Variants in ADAM12 observed in about 807,000 individuals in gnomAD.
ADAM12 encodes the protein disintegrin and metalloproteinase domain-containing protein 12.
Under a neutral mutation model 106.4 loss-of-function variants are expected in ADAM12, and 70 were observed. The ratio of observed to expected loss-of-function variants is 0.66; its 90% CI spans 0.54 to 0.80. ADAM12 has a LOEUF of 0.80. Ranked by LOEUF, ADAM12 falls within the 30% of genes least tolerant of loss-of-function variation. The pLI, the probability that ADAM12 is intolerant of heterozygous loss-of-function variation, is 0.00. For missense variants in ADAM12, 1,010 were observed against 1,171.9 expected (o/e 0.86, Z 2.02); for synonymous variants, 420 against 433.5 (o/e 0.97, Z 0.39).
chr10:126,140,084 G>T (rs963480243), intron 4 of ADAM12, among the ~76,000 whole-genome samples: 5 of 152,232 alleles, frequency 3.3e-5, no homozygotes, highest in Admixed American at 2.0e-4. Context: ...AATGCAGAGA[G>T]TGAAAGGTTG....
At chr10:126,160,918 A>ACATTCTTTACATGGCTT (rs1256576975) in intron 3 of ADAM12, among the ~76,000 whole-genome samples, 13 of 152,308 alleles carry the variant, frequency 8.5e-5, no homozygotes, top group Non-Finnish European at 2.9e-5. Flanking sequence ...CGTGTCTGGA[A>ACATTCTTTACATGGCTT]CATTCTTTAC....
intron 1 of ADAM12, among the ~76,000 whole-genome samples, chr10:126,371,481 G>A (rs1856112182): frequency 1.3e-5 from 2 of 152,320 alleles, no homozygotes; most frequent in South Asian, 4.1e-4. Flanking sequence ...AGTAGTGTGG[G>A]AGAGATCTTT....
intron 1 of ADAM12, among the ~76,000 whole-genome samples, chr10:126,370,515 A>T (rs1856071711): frequency 6.6e-6 from 1 of 152,178 alleles, no homozygotes; most frequent in African/African-American, 2.4e-5. Flanking sequence ...CGAAAATGAA[A>T]GGTCAGAGAT....
intron 3 of ADAM12, among the ~76,000 whole-genome samples, chr10:126,161,221 T>C (rs751156355): frequency 4.0e-4 from 61 of 152,204 alleles, no homozygotes; most frequent in Non-Finnish European, 7.5e-4. Flanking sequence ...GCTGTAAGCA[T>C]TAATAGCTGC....
In ADAM12 at chr10:126,016,944, C is replaced by G. The variant is rs1381985304; in HGVS notation, c.*335G>C. 5.0e-6 allele frequency: 1 copy of G among 200,034 alleles called. No homozygotes were observed. The highest frequency in any genetic ancestry group is 2.3e-5 in the African/African-American group (1 of 42,962). The allele number at this position is 200,034 out of a possible 1,614,324, so 12.4% of individuals were successfully genotyped here. On this transcript the variant is annotated 3_prime_UTR_variant, in exon 23 of 23. Transcript: ENST00000448723. ...GATCAGAAAGCAAACACATCCTGTC[C>G]AGAATCCCATCAAGCAGGATATTTC... is the stretch of plus-strand genomic sequence containing the variant.
chr10:126,154,326 C>T (rs1956777023), intron 4 of ADAM12, among the ~76,000 whole-genome samples: 1 of 152,152 alleles, frequency 6.6e-6, no homozygotes, highest in Non-Finnish European at 1.5e-5. Flanking sequence ...CCTGGATTTC[C>T]ATGTGTTTTC....
chr10:126,352,087 C>T (rs1468711614), intron 1 of ADAM12, among the ~76,000 whole-genome samples: 7 of 152,240 alleles, frequency 4.6e-5, no homozygotes, highest in East Asian at 3.9e-4. Context: ...GTGTCCTCGG[C>T]GGTGCTGACA....
chr10:126,364,175 A>G (rs578189705), intron 1 of ADAM12, among the ~76,000 whole-genome samples: 7 of 152,148 alleles, frequency 4.6e-5, no homozygotes, highest in Non-Finnish European at 5.9e-5. Context: ...AAAACTAGAA[A>G]TAGGTTCTTA....
intron 3 of ADAM12, among the ~76,000 whole-genome samples, chr10:126,193,770 G>A (rs9665585): frequency 0.071 from 10,785 of 152,076 alleles, 1,148 homozygotes; most frequent in African/African-American, 0.23. Context: ...GGTGGCGTGC[G>A]CCTGTAGTCC....
chr10:126,248,689 T>C (rs11244904), intron 3 of ADAM12, among the ~76,000 whole-genome samples: 1 of 38,536 alleles, frequency 2.6e-5, no homozygotes, highest in Non-Finnish European at 4.7e-5. Flanking sequence ...ATGTATGTAT[T>C]TATTTATTTA....
chr10:126,073,740 G>A (rs1955046423), intron 11 of ADAM12, among the ~76,000 whole-genome samples: 1 of 152,194 alleles, frequency 6.6e-6, no homozygotes, highest in African/African-American at 2.4e-5. Context: ...ATAAATGAAA[G>A]TGCTCCTCTG....
intron 1 of ADAM12, among the ~76,000 whole-genome samples, chr10:126,374,292 G>A (rs778350087): frequency 4.1e-4 from 63 of 152,176 alleles, no homozygotes; most frequent in Non-Finnish European, 7.6e-4. Flanking sequence ...GAGGGTAGCA[G>A]TGGAGGGAAA....
rs188528954 is a variant in ADAM12, at chr10:126,054,028, C to T, written c.1610-4359G>A. Among the ~76,000 whole-genome samples the T allele has an allele frequency of 3.4e-3, 522 of 152,292 alleles. 3 individuals are homozygous for T. Among genetic ancestry groups the T allele is most frequent in the South Asian group, 0.028 (136 of 4,818 alleles). On this transcript the variant is annotated intron_variant, in intron 14 of 22. Coordinates refer to ENST00000448723, the MANE Select transcript of ADAM12 (RefSeq NM_001288973.2). ...GGCCTGGTCTCAGTCTTCTTGCTTT[C>T]CATGGCACATTCCCTGCACTTCCGG... is the stretch of plus-strand genomic sequence containing the variant.
intron 21 of ADAM12, among the ~76,000 whole-genome samples, chr10:126,026,393 C>T (rs1373902286): frequency 6.6e-6 from 1 of 152,046 alleles, no homozygotes; most frequent in Non-Finnish European, 1.5e-5. Flanking sequence ...TCAACAAAGA[C>T]ATTCAGGACT....
intron 3 of ADAM12, among the ~76,000 whole-genome samples, chr10:126,271,860 T>A (rs1370780938): frequency 6.6e-6 from 1 of 152,212 alleles, no homozygotes; most frequent in African/African-American, 2.4e-5. Context: ...AAAGTCAAGA[T>A]CCTTATCAGG....
intron 16 of ADAM12, among the ~76,000 whole-genome samples, chr10:126,048,058 C>T (rs1465343973): frequency 1.3e-5 from 2 of 152,166 alleles, no homozygotes; most frequent in Admixed American, 6.5e-5. Context: ...AACCAACTAC[C>T]ACATGTTCTC....
intron 3 of ADAM12, among the ~76,000 whole-genome samples, chr10:126,249,679 G>T (rs1175241997): frequency 6.6e-6 from 1 of 152,176 alleles, no homozygotes; most frequent in Non-Finnish European, 1.5e-5. Context: ...ACTCCAGTCT[G>T]CCAGACTCCG....
At chr10:126,327,457 T>C (rs962810675) in intron 2 of ADAM12, among the ~76,000 whole-genome samples, 2 of 152,004 alleles carry the variant, frequency 1.3e-5, no homozygotes, top group African/African-American at 4.8e-5. Context: ...GATAAAATGT[T>C]TAAGAGTTAG....
chr10:126,040,108 T>C (rs1035010567), intron 18 of ADAM12, among the ~76,000 whole-genome samples: 1 of 152,156 alleles, frequency 6.6e-6, no homozygotes, highest in Non-Finnish European at 1.5e-5. Context: ...TTTTGTTTAA[T>C]ACAGTTAAGA....
Sources: allele counts gnomAD v4.1 joint callset (sites outside exome capture counted in the v4.1 genomes callset), GRCh38; gene constraint gnomAD v4.1.1; transcripts MANE v1.5; gene names NCBI Gene and HGNC (gene_info 2026-07-23, HGNC 2026-07-21).